Variants in TPH2 observed in about 807,000 individuals in gnomAD.
TPH2 encodes tryptophan hydroxylase 2, also known as tryptophan 5-hydroxylase 2.
A neutral mutation model predicts 59.1 loss-of-function variants in TPH2; 27 were observed. The observed-to-expected ratio is 0.46, with a 90% CI of 0.34 to 0.63. The LOEUF (loss-of-function observed/expected upper bound fraction) is 0.63, where lower values mean the gene tolerates loss of function less well. Ranked by LOEUF, TPH2 falls within the 30% of genes least tolerant of loss-of-function variation. TPH2 has a pLI of 0.01. For synonymous variants in TPH2, 220 were observed against 210.5 expected, an observed-to-expected ratio of 1.05 and a Z score of -0.39; for missense variants, 523 against 588.3, an observed-to-expected ratio of 0.89 and a Z score of 1.15.
chr12:71,977,065 T>C (rs892312128), intron 6 of TPH2, among the ~76,000 whole-genome samples: 3 of 152,066 alleles, frequency 2.0e-5, no homozygotes, highest in African/African-American at 4.8e-5. Context: ...TAATTATTAT[T>C]TTTTAGATAA....
intron 1 of TPH2, 119 bp downstream of exon 1, chr12:71,939,210 A>G (rs1035315948): frequency 7.7e-6 from 6 of 776,386 alleles, no homozygotes; most frequent in Non-Finnish European, 1.1e-5. Context: ...CTCCTTCTTT[A>G]TAATCTGTCT....
rs1305697997 is a variant in TPH2, at chr12:71,961,867, A to G, written c.609-10652A>G. 4 of 1,127,762 alleles carry G rather than the reference A, an allele frequency of 3.5e-6. No homozygotes were observed. The African/African-American group carries it at 6.5e-5, about 18-fold the overall frequency. 69.9% of individuals were successfully genotyped at this position (1,127,762 alleles called of 1,614,324 possible). ...CTCCCTGAGGCTCCTTAGGTGCAGT[A>G]GTTTATTTTCATTACGTCTCTTGTA... On this transcript the variant is annotated intron_variant, in intron 5 of 10. Coordinates refer to ENST00000333850, the MANE Select transcript of TPH2 (RefSeq NM_173353.4).
intron 6 of TPH2, 139 bp from the exon 7 acceptor site, chr12:71,978,813 A>G: frequency 9.6e-7 from 1 of 1,037,584 alleles, no homozygotes; most frequent in South Asian, 1.3e-5. Flanking sequence ...TTAACAGTAT[A>G]TGTCACTCAG....
At chr12:71,981,171 A>C (rs369882345) in intron 7 of TPH2, among the ~76,000 whole-genome samples, 4 of 152,136 alleles carry the variant, frequency 2.6e-5, no homozygotes, top group East Asian at 3.9e-4. Flanking sequence ...AGGCTTTGCA[A>C]GTCAGGGGAA....
chr12:71,999,200 A>C (rs1185031509), intron 8 of TPH2, among the ~76,000 whole-genome samples: 1 of 152,192 alleles, frequency 6.6e-6, no homozygotes, highest in African/African-American at 2.4e-5. Flanking sequence ...ATATTTCTAT[A>C]GAATATTTAT....
intron 8 of TPH2, among the ~76,000 whole-genome samples, chr12:72,008,948 C>A (rs1873026634): frequency 6.6e-6 from 1 of 151,966 alleles, no homozygotes; most frequent in Admixed American, 6.6e-5. Flanking sequence ...GAGCAGTGTG[C>A]ATGTGTGTGT....
At chr12:71,964,517 T>G (rs1871762291) in intron 5 of TPH2, 1 of 983,984 alleles carries the variant, frequency 1.0e-6, no homozygotes, top group Non-Finnish European at 1.2e-6. Flanking sequence ...CTGGCAATAT[T>G]TTTCCAGTCT....
intron 9 of TPH2, among the ~76,000 whole-genome samples, chr12:72,023,287 C>T (rs1370471860): frequency 2.0e-5 from 3 of 152,058 alleles, no homozygotes; most frequent in Non-Finnish European, 4.4e-5. Flanking sequence ...GATTGTGGAC[C>T]ATTCTTGAGT....
At chr12:71,968,452 C>A (rs1322476972) in intron 5 of TPH2, among the ~76,000 whole-genome samples, 1 of 152,172 alleles carries the variant, frequency 6.6e-6, no homozygotes, top group Non-Finnish European at 1.5e-5. Flanking sequence ...TCACGTGAAC[C>A]TCAAATTTCA....
chr12:71,975,085 G>T (rs1314730287), intron 6 of TPH2, among the ~76,000 whole-genome samples: 1 of 152,092 alleles, frequency 6.6e-6, no homozygotes, highest in Non-Finnish European at 1.5e-5. Flanking sequence ...TAGGCACAGT[G>T]GCTCACACCT....
At chr12:72,025,719 A>G (rs1262894099) in intron 9 of TPH2, among the ~76,000 whole-genome samples, 1 of 152,142 alleles carries the variant, frequency 6.6e-6, no homozygotes, top group East Asian at 1.9e-4. Context: ...TACCTTTCAT[A>G]ACTGTGGAGA....
At position 72,032,417 on chromosome 12, in the gene TPH2, T is replaced by G. The variant is rs1170723830; in HGVS notation, c.*722T>G. 6.6e-6 allele frequency: 1 copy of G among 152,284 alleles called. No individual in the cohort carries two copies. Among genetic ancestry groups the G allele is most frequent in the Non-Finnish European group, 1.5e-5 (1 of 68,124 alleles). The allele number at this position is 152,284 out of a possible 1,614,324, so 9.4% of individuals were successfully genotyped here. On this transcript the variant is annotated 3_prime_UTR_variant, in exon 11 of 11. Transcript: ENST00000333850. ...AATCTTGGGACTATGAATTTTATGC[T>G]GGAATAAAGTAAATTATCATGTTCA...
chr12:71,981,431 G>T (rs966142604), intron 7 of TPH2, among the ~76,000 whole-genome samples: 4 of 152,158 alleles, frequency 2.6e-5, no homozygotes, highest in South Asian at 2.1e-4. Flanking sequence ...CTGGGGAATT[G>T]TTGAGAATGA....
At chr12:71,964,746 G>A (rs117962916) in intron 5 of TPH2, 1 of 985,180 alleles carries the variant, frequency 1.0e-6, no homozygotes, top group East Asian at 1.1e-4. Context: ...ACAAATGCTT[G>A]ATAAGAGTTA....
chr12:72,003,756 A>G (rs901751375), intron 8 of TPH2, among the ~76,000 whole-genome samples: 7 of 152,210 alleles, frequency 4.6e-5, no homozygotes, highest in African/African-American at 1.7e-4. Flanking sequence ...TGGAATTGGA[A>G]AACAAACAGG....
intron 9 of TPH2, among the ~76,000 whole-genome samples, chr12:72,025,731 C>A (rs912577948): frequency 6.6e-6 from 1 of 152,060 alleles, no homozygotes; most frequent in Non-Finnish European, 1.5e-5. Flanking sequence ...CTGTGGAGAA[C>A]AATTAACAAT....
chr12:71,969,834 C>CTAGGTTTAAGGATTCAGCAAGA (rs1214708689), intron 5 of TPH2, among the ~76,000 whole-genome samples: 1 of 152,130 alleles, frequency 6.6e-6, no homozygotes, highest in East Asian at 1.9e-4. Flanking sequence ...AGGTTTTAAG[C>CTAGGTTTAAGGATTCAGCAAGA]CTGAATCCAT....
intron 5 of TPH2, among the ~76,000 whole-genome samples, chr12:71,953,970 T>C (rs1374918713): frequency 6.6e-6 from 1 of 152,242 alleles, no homozygotes; most frequent in East Asian, 1.9e-4. Context: ...AGAAATGAAA[T>C]ACAGAATAAT....
At chr12:71,962,742 A>C (rs1871721978) in intron 5 of TPH2, 1 of 940,140 alleles carries the variant, frequency 1.1e-6, no homozygotes, top group Non-Finnish European at 1.3e-6. Context: ...TTTTGTTTTG[A>C]GATAGAGTAT....
Sources: allele counts gnomAD v4.1 joint callset (sites outside exome capture counted in the v4.1 genomes callset), GRCh38; gene constraint gnomAD v4.1.1; transcripts MANE v1.5; gene names NCBI Gene and HGNC (gene_info 2026-07-23, HGNC 2026-07-21).